The following PTPRO variants were observed in gnomAD, a reference collection of about 807,000 sequenced individuals.
PTPRO encodes receptor-type tyrosine-protein phosphatase O.
A neutral mutation model predicts 145.2 loss-of-function variants in PTPRO; 62 were observed. That is an observed-to-expected ratio of 0.43 (90% CI 0.35 to 0.53). PTPRO has a LOEUF of 0.53. Ranked by LOEUF, PTPRO falls within the 20% of genes least tolerant of loss-of-function variation. The probability of loss-of-function intolerance (pLI) is 0.01; values close to 1 mark genes in which losing one functional copy is unlikely to be tolerated. For missense variants in PTPRO, 1,345 were observed against 1,482.7 expected (o/e 0.91, Z 1.53); for synonymous variants, 565 against 514.7 (o/e 1.10, Z -1.32).
intron 1 of PTPRO, among the ~76,000 whole-genome samples, chr12:15,467,557 T>G (rs1941445104): frequency 6.6e-6 from 1 of 152,030 alleles, no homozygotes; most frequent in Non-Finnish European, 1.5e-5. Flanking sequence ...TGGCCATCAT[T>G]TCTCTCCTAA....
intron 1 of PTPRO, among the ~76,000 whole-genome samples, chr12:15,340,298 G>A (rs7972122): frequency 0.07 from 10,653 of 152,118 alleles, 1,240 homozygotes; most frequent in African/African-American, 0.24. Flanking sequence ...CTATGACACG[G>A]CTTGTATTTC....
At chr12:15,413,040 G>A (rs1012665503) in intron 1 of PTPRO, among the ~76,000 whole-genome samples, 8 of 151,932 alleles carry the variant, frequency 5.3e-5, no homozygotes, top group East Asian at 1.9e-4. Context: ...TGATCCACCC[G>A]CCTCAGCCTC....
chr12:15,372,339 A>G (rs1030010241), intron 1 of PTPRO, among the ~76,000 whole-genome samples: 3 of 152,176 alleles, frequency 2.0e-5, no homozygotes, highest in African/African-American at 7.2e-5. Context: ...TGTCTATAGC[A>G]GGAACCACTT....
At chr12:15,587,091 T>C in intron 24 of PTPRO, 40 bp downstream of exon 24, 2 of 1,611,808 alleles carry the variant, frequency 1.2e-6, no homozygotes, top group Non-Finnish European at 1.7e-6. Context: ...ATATTAGGAG[T>C]TGGTTTTGTA....
At chr12:15,541,941 G>A (rs538382620) in intron 12 of PTPRO, among the ~76,000 whole-genome samples, 2 of 152,082 alleles carry the variant, frequency 1.3e-5, no homozygotes, top group Admixed American at 6.5e-5. Flanking sequence ...AATCTGGGAG[G>A]TGGAGTTTGC....
chr12:15,566,033 G>A (rs1400132410), intron 18 of PTPRO, among the ~76,000 whole-genome samples: 2 of 152,244 alleles, frequency 1.3e-5, no homozygotes, highest in East Asian at 1.9e-4. Context: ...TCTATTTGAT[G>A]TTATAATAGA....
intron 12 of PTPRO, among the ~76,000 whole-genome samples, chr12:15,545,088 AATG>A (rs1224215756): frequency 2.6e-5 from 4 of 152,126 alleles, no homozygotes; most frequent in African/African-American, 9.7e-5. Flanking sequence ...GCAGAGTCAC[AATG>A]ATGATATTCT....
At chr12:15,435,656 G>T (rs74488727) in intron 1 of PTPRO, among the ~76,000 whole-genome samples, 4,396 of 150,440 alleles carry the variant, frequency 0.029, 231 homozygotes, top group African/African-American at 0.1. Flanking sequence ...TATCACCATT[G>T]GTTCTTCTTT....
chr12:15,333,274 T>C (rs60715521), intron 1 of PTPRO, among the ~76,000 whole-genome samples: 1,958 of 152,324 alleles, frequency 0.013, 40 homozygotes, highest in African/African-American at 0.043. Flanking sequence ...ATCACTCTAA[T>C]ATTTTACCAC....
At chr12:15,438,296 T>G (rs1001563234) in intron 1 of PTPRO, among the ~76,000 whole-genome samples, 10 of 152,104 alleles carry the variant, frequency 6.6e-5, no homozygotes, top group African/African-American at 2.4e-4. Flanking sequence ...TCTAGCACCA[T>G]GAAAAAACCT....
intron 24 of PTPRO, among the ~76,000 whole-genome samples, chr12:15,589,018 G>A (rs528624420): frequency 2.1e-4 from 32 of 152,278 alleles, no homozygotes; most frequent in Admixed American, 5.9e-4. Context: ...CTTAGTCTGC[G>A]TTTTTCCACA....
At chr12:15,578,541 G>C (rs1345069626) in intron 19 of PTPRO, among the ~76,000 whole-genome samples, 3 of 152,208 alleles carry the variant, frequency 2.0e-5, no homozygotes, top group South Asian at 2.1e-4. Flanking sequence ...GTCAGAGTCA[G>C]GTCTGCCCTA....
At chr12:15,431,847 A>G (rs905749234) in intron 1 of PTPRO, among the ~76,000 whole-genome samples, 1 of 152,216 alleles carries the variant, frequency 6.6e-6, no homozygotes, top group African/African-American at 2.4e-5. Flanking sequence ...TTTCCAATCT[A>G]GATAAGCATG....
rs770570916 is a variant in PTPRO at position 15,322,676 on chromosome 12, C to T, written c.-51C>T. ...CCAGTTCGCCATTGTGAGCCGCCGC[C>T]GGGGGAGTCCGCTAGCGCAGCCGTG... On this transcript the variant is annotated 5_prime_UTR_variant, in exon 1 of 27. Transcript: ENST00000281171. This position sits in a 1 kb window ranked among gnomAD's most constrained non-coding sequence, Gnocchi z 6.3. 4.6e-6 allele frequency: 7 copies of T among 1,520,254 alleles called. No homozygotes were observed. The South Asian group carries it at 5.9e-5, about 13-fold the overall frequency. The allele number at this position is 1,520,254 out of a possible 1,614,324, so 94.2% of individuals were successfully genotyped here.
intron 1 of PTPRO, among the ~76,000 whole-genome samples, chr12:15,467,850 A>T (rs960930429): frequency 6.6e-6 from 1 of 152,230 alleles, no homozygotes; most frequent in Admixed American, 6.5e-5. Flanking sequence ...TGATCCACTC[A>T]TACAAAGCAT....
chr12:15,519,980 A>G (rs1942680453), intron 9 of PTPRO, among the ~76,000 whole-genome samples: 1 of 152,212 alleles, frequency 6.6e-6, no homozygotes, highest in Non-Finnish European at 1.5e-5. Context: ...CTTTGGCTCT[A>G]TATCTTTAAA....
intron 21 of PTPRO, among the ~76,000 whole-genome samples, 157 bp downstream of exon 21, chr12:15,580,272 T>C (rs979127567): frequency 2.0e-5 from 3 of 152,190 alleles, no homozygotes; most frequent in Admixed American, 2.0e-4. Context: ...TAATAAAGAA[T>C]AGAAAGAAAA....
chr12:15,373,544 T>C (rs1938593449), intron 1 of PTPRO, among the ~76,000 whole-genome samples: 1 of 152,202 alleles, frequency 6.6e-6, no homozygotes. Context: ...GAATGTAAGA[T>C]ATCATCAAGC....
chr12:15,583,776 A>G (rs981417687), intron 23 of PTPRO, among the ~76,000 whole-genome samples: 1 of 152,234 alleles, frequency 6.6e-6, no homozygotes, highest in Non-Finnish European at 1.5e-5. Context: ...CCGTATCAAT[A>G]CAACGTTAGA....
Sources: allele counts gnomAD v4.1 joint callset (sites outside exome capture counted in the v4.1 genomes callset), GRCh38; gene constraint gnomAD v4.1.1; non-coding constraint Gnocchi (gnomAD v3.1); transcripts MANE v1.5; gene names NCBI Gene and HGNC (gene_info 2026-07-23, HGNC 2026-07-21).